RLIG1: variants seen among roughly 807,000 people sequenced by gnomAD.
RLIG1 encodes the protein RNA ligase 1.
At chr12:88,046,411 C>A in the RLIG1 span, among the ~76,000 whole-genome samples, 1 of 152,144 alleles carries the variant, frequency 6.6e-6, no homozygotes, top group African/African-American at 2.4e-5. Context: ...GTGGCCAGTG[C>A]CACACTGGTA....
chr12:88,045,901 T>C, the RLIG1 span: 1 of 710,154 alleles, frequency 1.4e-6, no homozygotes, highest in Non-Finnish European at 2.3e-6. Flanking sequence ...GTTAGTTTCC[T>C]AGGATTATAT....
At chr12:88,043,594 T>A in the RLIG1 span, 1 of 1,579,336 alleles carries the variant, frequency 6.3e-7, no homozygotes, top group Non-Finnish European at 8.6e-7. Flanking sequence ...TTTAATATTT[T>A]TTAGAATTTT....
the RLIG1 span, chr12:88,048,842 A>C: frequency 5.4e-6 from 1 of 185,910 alleles, no homozygotes; most frequent in African/African-American, 2.3e-5. Flanking sequence ...GGATTTGAGA[A>C]TCTTAACACA....
At chr12:88,045,586 G>A in the RLIG1 span, 1 of 1,608,698 alleles carries the variant, frequency 6.2e-7, no homozygotes, top group South Asian at 1.1e-5. Context: ...TGATAGGTTG[G>A]GTACCAGTAG....
the RLIG1 span, chr12:88,035,832 T>G: frequency 6.5e-7 from 1 of 1,541,370 alleles, no homozygotes; most frequent in Non-Finnish European, 8.7e-7. Flanking sequence ...GCTGGGCGCT[T>G]TAGAACTGCC....
chr12:88,035,970 A>C, the RLIG1 span: 1 of 1,522,444 alleles, frequency 6.6e-7, no homozygotes, highest in Non-Finnish European at 8.8e-7. Flanking sequence ...AATTTTCCTT[A>C]TCAGGAGATT....
At chr12:88,043,453 C>T in the RLIG1 span, 2 of 583,556 alleles carry the variant, frequency 3.4e-6, no homozygotes, top group African/African-American at 1.9e-5. Context: ...TAAGTACAGT[C>T]ATGTTGTGGT....
chr12:88,043,997 G>T, the RLIG1 span: 1 of 368,574 alleles, frequency 2.7e-6, no homozygotes, highest in South Asian at 2.8e-5. Context: ...TTGAGGCCAG[G>T]TGCAGTGGTC....
chr12:88,049,707 T>C, the RLIG1 span: 1 of 204,578 alleles, frequency 4.9e-6, no homozygotes, highest in African/African-American at 2.3e-5. Context: ...TAAGAGCTTG[T>C]CAATAGAGCA....
chr12:88,035,739 G>T, the RLIG1 span: 1 of 1,593,582 alleles, frequency 6.3e-7, no homozygotes, highest in Non-Finnish European at 8.5e-7. Context: ...GGAGCATCAG[G>T]TACGGAGGAG....
At chr12:88,036,188 C>A in the RLIG1 span, 1 of 740,944 alleles carries the variant, frequency 1.3e-6, no homozygotes, top group Non-Finnish European at 2.0e-6. Context: ...TGACAGTAGC[C>A]TAATTAGGTC....
chr12:88,043,319 T>C, the RLIG1 span, among the ~76,000 whole-genome samples: 5 of 152,224 alleles, frequency 3.3e-5, no homozygotes, highest in Admixed American at 6.5e-5. Flanking sequence ...TTTGTATTCA[T>C]AGTATATTAA....
At chr12:88,046,731 T>C in the RLIG1 span, 1 of 1,337,548 alleles carries the variant, frequency 7.5e-7, no homozygotes, top group Non-Finnish European at 1.0e-6. Flanking sequence ...CAAAAGACTT[T>C]ATTTGAAGAG....
At chr12:88,048,347 GTGTT>G in the RLIG1 span, 4 of 1,601,578 alleles carry the variant, frequency 2.5e-6, no homozygotes, top group Non-Finnish European at 2.6e-6. Context: ...TTGATATTAA[GTGTT>G]TGTTTAATCA....
the RLIG1 span, among the ~76,000 whole-genome samples, chr12:88,047,794 A>G: frequency 7.2e-5 from 11 of 151,964 alleles, no homozygotes; most frequent in Non-Finnish European, 1.3e-4. Context: ...CCGCAAACAC[A>G]CTCACACTGT....
the RLIG1 span, chr12:88,046,841 T>C: frequency 6.2e-7 from 1 of 1,612,730 alleles, no homozygotes. Context: ...TACATCTTCT[T>C]ATACCACATG....
At chr12:88,045,692 C>T in the RLIG1 span, 1 of 1,613,206 alleles carries the variant, frequency 6.2e-7, no homozygotes, top group Admixed American at 1.7e-5. Context: ...TGATTCTGGA[C>T]TTTTGGAAAT....
chr12:88,043,002 T>G, the RLIG1 span: 2 of 696,606 alleles, frequency 2.9e-6, no homozygotes, highest in East Asian at 6.5e-5. Flanking sequence ...ATACATTATA[T>G]CCTTCTGTGT....
At chr12:88,039,893 T>C in the RLIG1 span, among the ~76,000 whole-genome samples, 1 of 152,198 alleles carries the variant, frequency 6.6e-6, no homozygotes, top group South Asian at 2.1e-4. Context: ...GGATGCAGCA[T>C]TGCAAAGAAC....
Sources: gnomAD v4.1 joint callset for allele counts (sites outside exome capture counted in the v4.1 genomes callset) on GRCh38, gnomAD v4.1.1 for gene constraint, MANE v1.5 for transcripts, NCBI Gene and HGNC (gene_info 2026-07-23, HGNC 2026-07-21) for gene names.